Variants in EIF2S1 observed in about 807,000 individuals in gnomAD.
EIF2S1 encodes the protein eukaryotic translation initiation factor 2 subunit 1.
A neutral mutation model predicts 33.5 loss-of-function variants in EIF2S1; 5 were observed. The ratio of observed to expected loss-of-function variants is 0.15; its 90% CI spans 0.08 to 0.31. The LOEUF (loss-of-function observed/expected upper bound fraction) is 0.31. EIF2S1 is among the 10% of genes least tolerant of loss of function. The probability of loss-of-function intolerance (pLI) is 1.00; values close to 1 mark genes in which losing one functional copy is unlikely to be tolerated. For synonymous variants in EIF2S1, 99 were observed against 127.5 expected (o/e 0.78, Z 1.51); for missense variants, 191 against 384.6 (o/e 0.50, Z 4.21).
chr14:67,382,014 C>T (rs186102865), intron 6 of EIF2S1, among the ~76,000 whole-genome samples: 1 of 152,188 alleles, frequency 6.6e-6, no homozygotes, highest in Admixed American at 6.5e-5. Flanking sequence ...TTTCTTCTAT[C>T]TGTACACATA....
At chr14:67,362,456 T>C (rs2085749278) in intron 1 of EIF2S1, among the ~76,000 whole-genome samples, 1 of 152,258 alleles carries the variant, frequency 6.6e-6, no homozygotes, top group Non-Finnish European at 1.5e-5. Context: ...TAGCACATAA[T>C]GGTTTTCAAA....
chr14:67,362,737 A>AT lies in EIF2S1; in HGVS notation c.-1-2023dup, dbSNP rs142072212. ...AGTGTGACTTCGATATTGCGGAATG[A>AT]TTTTTTTAAGTTAAAAAAAAAATTT... is the stretch of plus-strand genomic sequence containing the variant. On this transcript the variant is annotated intron_variant, in intron 1 of 7. Coordinates refer to ENST00000256383, the MANE Select transcript of EIF2S1 (RefSeq NM_004094.5). Among the ~76,000 whole-genome samples, 294 of 152,264 alleles carry AT rather than the reference A, an allele frequency of 1.9e-3. 6 individuals are homozygous for AT. In the East Asian group the frequency reaches 0.054, roughly 28 times the overall value.
At chr14:67,377,476 T>A (rs572848552) in intron 4 of EIF2S1, among the ~76,000 whole-genome samples, 74 of 152,238 alleles carry the variant, frequency 4.9e-4, no homozygotes, top group Non-Finnish European at 9.3e-4. Context: ...GCTCACTACC[T>A]ATTTTATTTT....
intron 2 of EIF2S1, among the ~76,000 whole-genome samples, chr14:67,368,864 G>A (rs1222396950): frequency 6.6e-6 from 1 of 151,894 alleles, no homozygotes; most frequent in Non-Finnish European, 1.5e-5. Flanking sequence ...CTAGAAATAA[G>A]TAAGTAAAAT....
intron 1 of EIF2S1, among the ~76,000 whole-genome samples, chr14:67,362,269 C>T (rs2085747690): frequency 6.6e-6 from 1 of 151,958 alleles, no homozygotes; most frequent in African/African-American, 2.4e-5. Flanking sequence ...ATCCACCCGC[C>T]TCGGCCTCCC....
intron 4 of EIF2S1, among the ~76,000 whole-genome samples, chr14:67,377,125 C>T (rs777458508): frequency 5.3e-5 from 8 of 152,166 alleles, no homozygotes; most frequent in African/African-American, 1.2e-4. Flanking sequence ...CCTGTCTTTT[C>T]GCCATTTCCT....
rs1449483118 is a variant in EIF2S1 at position 67,383,520 on chromosome 14, A to C, written c.*80A>C. The C allele has an allele frequency of 6.3e-7, 1 of 1,576,140 alleles. No homozygotes were observed. Among genetic ancestry groups the C allele is most frequent in the Non-Finnish European group, 8.6e-7 (1 of 1,156,840 alleles). On this transcript the variant is annotated 3_prime_UTR_variant, in exon 8 of 8. Coordinates refer to ENST00000256383, the MANE Select transcript of EIF2S1 (RefSeq NM_004094.5). ...TAAATCCTAGACTTGAAAGTTTTCCAGTATTGAAAACTTCAAAGCTGAATA... is the reference window on the plus strand; with the variant it reads ...TAAATCCTAGACTTGAAAGTTTTCCCGTATTGAAAACTTCAAAGCTGAATA...
chr14:67,378,300 T>C (rs1051461035), intron 4 of EIF2S1, among the ~76,000 whole-genome samples: 1 of 151,136 alleles, frequency 6.6e-6, no homozygotes, highest in African/African-American at 2.4e-5. Context: ...CCCTTCAAGT[T>C]TATTCTCATG....
chr14:67,380,697 A>G lies in EIF2S1; in HGVS notation c.512A>G (p.Asp171Gly). Residue 171 changes from aspartate to glycine, a missense_variant, in exon 5 of 8, where the codon GAT (aspartate) becomes GGT (glycine). By Grantham distance (94) the Asp-to-Gly change is moderately conservative. Transcript: ENST00000256383. Reference protein sequence around the residue: ...SILDSLDLNEDEREVLINNIN... With the variant: ...SILDSLDLNEGEREVLINNIN... The stretch of plus-strand genomic sequence containing the variant: ...TTGGATAGTTTAGATTTGAATGAAG[A>G]TGAACGGGAAGTACTCATTAATAAT... 6.3e-7 allele frequency: 1 copy of G among 1,583,696 alleles called. No homozygotes were observed. Among genetic ancestry groups the G allele is most frequent in the African/African-American group, 1.4e-5 (1 of 73,192 alleles).
At chr14:67,374,779 G>A (rs2141141005) in intron 3 of EIF2S1, 1 of 342,260 alleles carries the variant, frequency 2.9e-6, no homozygotes, top group African/African-American at 2.1e-5. Context: ...TTTTTTGTTT[G>A]TTTAAATAGA....
In EIF2S1 at chr14:67,382,438, C is replaced by T. The variant is rs1281481285; in HGVS notation, c.679-9C>T. ...CATTCATAAATGAATTTTTGTCTTT[C>T]TCTTTTAGATTAATCTAATAGCTCC... On this transcript the variant is annotated splice_polypyrimidine_tract_variant and intron_variant, in intron 6 of 7. Transcript: ENST00000256383. 2 of 1,605,778 alleles carry T rather than the reference C, an allele frequency of 1.2e-6. No individual in the cohort carries two copies. Among genetic ancestry groups the T allele is most frequent in the East Asian group, 4.5e-5 (2 of 44,766 alleles).
intron 1 of EIF2S1, among the ~76,000 whole-genome samples, chr14:67,361,277 CAATT>C (rs1413850667): frequency 6.6e-6 from 1 of 152,192 alleles, no homozygotes; most frequent in Non-Finnish European, 1.5e-5. Context: ...TATTTCCCCT[CAATT>C]GAGTTGTTAT....
intron 1 of EIF2S1, among the ~76,000 whole-genome samples, chr14:67,362,115 G>A (rs1237928034): frequency 6.6e-6 from 1 of 151,058 alleles, no homozygotes; most frequent in Non-Finnish European, 1.5e-5. Context: ...TCTGCCCCTG[G>A]GTTCAAGGGA....
At chr14:67,377,943 TAA>T (rs1043710734) in intron 4 of EIF2S1, among the ~76,000 whole-genome samples, 3 of 141,448 alleles carry the variant, frequency 2.1e-5, no homozygotes. Context: ...CTGCCATCTC[TAA>T]AAAAAAAAAA....
At position 67,383,501 on chromosome 14, in the gene EIF2S1, C is replaced by G; in HGVS notation, c.*61C>G. 1.3e-6 allele frequency: 2 copies of G among 1,599,044 alleles called. No homozygotes were observed. The highest frequency in any genetic ancestry group is 2.3e-5 in the East Asian group (1 of 44,184). On this transcript the variant is annotated 3_prime_UTR_variant, in exon 8 of 8. Coordinates refer to ENST00000256383, the MANE Select transcript of EIF2S1 (RefSeq NM_004094.5). ...GAGCAGCGCTTCCTGGCTGTAAATCCTAGACTTGAAAGTTTTCCAGTATTG... is the reference window on the plus strand; with the variant it reads ...GAGCAGCGCTTCCTGGCTGTAAATCGTAGACTTGAAAGTTTTCCAGTATTG...
intron 2 of EIF2S1, among the ~76,000 whole-genome samples, chr14:67,365,387 G>A (rs1196911881): frequency 6.6e-6 from 1 of 152,202 alleles, no homozygotes; most frequent in Admixed American, 6.5e-5. Context: ...ATAGTAATGA[G>A]ATCACTGGGT....
intron 4 of EIF2S1, 54 bp from the exon 5 acceptor site, chr14:67,380,605 A>AAGTG: frequency 2.0e-6 from 2 of 1,005,794 alleles, no homozygotes; most frequent in Non-Finnish European, 2.9e-6. Flanking sequence ...TTGGTTTCAC[A>AAGTG]TTTATCAGTA....
intron 2 of EIF2S1, among the ~76,000 whole-genome samples, chr14:67,372,741 T>A (rs1271508967): frequency 6.6e-6 from 1 of 151,290 alleles, no homozygotes; most frequent in Non-Finnish European, 1.5e-5. Flanking sequence ...GGCAGGAGAA[T>A]CACTTGAACC....
intron 1 of EIF2S1, among the ~76,000 whole-genome samples, chr14:67,362,845 C>T (rs930673705): frequency 3.3e-5 from 5 of 152,076 alleles, no homozygotes; most frequent in Non-Finnish European, 4.4e-5. Flanking sequence ...TCTTTTTGTA[C>T]TTAACTACTA....
Sources: gnomAD v4.1 joint callset for allele counts (sites outside exome capture counted in the v4.1 genomes callset) on GRCh38, gnomAD v4.1.1 for gene constraint, MANE v1.5 for transcripts, NCBI Gene and HGNC (gene_info 2026-07-23, HGNC 2026-07-21) for gene names.